AURKB: variants seen among roughly 807,000 people sequenced by gnomAD.
AURKB encodes the protein aurora kinase B.
AURKB carries 28 observed loss-of-function variants against 36.5 expected under a neutral mutation model. That is an observed-to-expected ratio of 0.77 (90% CI 0.57 to 1.05). AURKB has a LOEUF of 1.05. Among genes scored for constraint, AURKB ranks in the 50% least tolerant of loss-of-function variants. The pLI, the probability that AURKB is intolerant of heterozygous loss-of-function variation, is 0.00. For synonymous variants in AURKB, 175 were observed against 172.9 expected (o/e 1.01, Z -0.09); for missense variants, 383 against 447.4 (o/e 0.86, Z 1.30).
At chr17:8,207,137 G>A (rs1985424251) in intron 5 of AURKB, 39 bp downstream of exon 5, 1 of 1,590,236 alleles carries the variant, frequency 6.3e-7, no homozygotes, top group Non-Finnish European at 8.6e-7. Context: ...GGGGGTGAGG[G>A]AGCAGAGGGG....
Position 8,205,398 on chromosome 17 carries a change from G to C in AURKB, c.687-8C>G. On this transcript the variant is annotated splice_polypyrimidine_tract_variant and splice_region_variant and intron_variant, in intron 7 of 8. Transcript: ENST00000585124. ...CCACACATTGTCTTCCTCCTGGGAG[G>C]GATAAGGGGCGTGGGCAGGGGTCCT... 6.2e-7 allele frequency: 1 copy of C among 1,613,646 alleles called. No homozygotes were observed.
Position 8,206,832 on chromosome 17 carries a change from A to C in AURKB, c.455T>G (p.Leu152Trp). Residue 152 changes from leucine (L) to tryptophan (W), a missense_variant, in exon 6 of 9, where the codon TTG becomes TGG. Physicochemically the swap from Leu to Trp is moderately conservative, Grantham distance 61 (BLOSUM62 -2). Coordinates refer to ENST00000585124, the MANE Select transcript of AURKB (RefSeq NM_004217.4). This position sits in a 1 kb window ranked among gnomAD's most constrained non-coding sequence, Gnocchi z 4.2. ...NYFYDRRRIY[L>W]ILEYAPRGEL... ...CCCGCGGGGGGCATACTCTAGAATC[A>C]AGTAGATCCTCCTCCGGTCATAAAA... 1 of 1,614,246 alleles carries C rather than the reference A, an allele frequency of 6.2e-7. No individual in the cohort carries two copies. The highest frequency in any genetic ancestry group is 8.5e-7 in the Non-Finnish European group (1 of 1,180,044).
At position 8,210,158 on chromosome 17, in the gene AURKB, A is replaced by T; in HGVS notation, c.48+19T>A. ...CATGCGGGGTCATGGGGGCGCAGGG[A>T]CGGAGGGAAGGGCCTTACCGTCTGT... On this transcript the variant is annotated intron_variant, in intron 2 of 8. Transcript: ENST00000585124. The T allele has an allele frequency of 6.2e-7, 1 of 1,612,812 alleles. No homozygotes were observed. Among genetic ancestry groups the T allele is most frequent in the Non-Finnish European group, 8.5e-7 (1 of 1,179,670 alleles).
Position 8,205,012 on chromosome 17 carries a change from C to A in AURKB, c.894G>T (p.Met298Ile), listed in dbSNP as rs768656332. The part of the protein sequence containing the change: ...VDLKFPASVP[M>I]GAQDLISKLL... ...GTTTGGAGATGAGGTCCTGGGCTCCCATGGGCACGGAAGCGGGGAACTTTA... is the reference window on the plus strand; with the variant it reads ...GTTTGGAGATGAGGTCCTGGGCTCCAATGGGCACGGAAGCGGGGAACTTTA... The change falls in exon 9 of 9, where the codon ATG becomes ATT. Residue 298 changes from methionine (M) to isoleucine (I), a missense_variant. By Grantham distance (10) the Met-to-Ile change is conservative (BLOSUM62 1). Around this residue, in one of 3 missense-constraint regions of AURKB, gnomAD observed 219 missense variants for 252.6 expected, o/e 0.87. Coordinates refer to ENST00000585124, the MANE Select transcript of AURKB (RefSeq NM_004217.4). 1.9e-6 allele frequency: 3 copies of A among 1,595,508 alleles called. No individual in the cohort carries two copies. The highest frequency in any genetic ancestry group is 2.6e-6 in the Non-Finnish European group (3 of 1,173,482).
At chr17:8,210,464 AC>A in intron 1 of AURKB, 65 bp downstream of exon 1, 1 of 549,636 alleles carries the variant, frequency 1.8e-6, no homozygotes, top group East Asian at 3.3e-5. Context: ...AGCCCAACGG[AC>A]CCTCTGATCT....
At chr17:8,208,859 C>T (rs1985749009) in intron 2 of AURKB, among the ~76,000 whole-genome samples, 1 of 152,256 alleles carries the variant, frequency 6.6e-6, no homozygotes, top group African/African-American at 2.4e-5. Flanking sequence ...CAGAGGTATT[C>T]TCAAAGTCTC....
chr17:8,206,434 GGA>G lies in AURKB; in HGVS notation c.686+55_686+56del, dbSNP rs940584708. Reference sequence around the variant, plus strand: ...GTGTGAGCCACGGTGCACGGCCCCTGGAGAGGTTTTAATGGCCCAGCCTCACA... The same window carrying G: ...GTGTGAGCCACGGTGCACGGCCCCTGGAGGTTTTAATGGCCCAGCCTCACA... On this transcript the variant is annotated intron_variant, in intron 7 of 8. Coordinates refer to ENST00000585124, the MANE Select transcript of AURKB (RefSeq NM_004217.4). This position sits in a 1 kb window ranked among gnomAD's most constrained non-coding sequence, Gnocchi z 4.2. 34 of 1,606,546 alleles carry G rather than the reference GGA, an allele frequency of 2.1e-5. No individual in the cohort carries two copies. In the East Asian group the frequency reaches 7.1e-4, roughly 34 times the overall value.
chr17:8,205,495 G>A (rs1597344746), intron 7 of AURKB, 105 bp from the exon 8 acceptor site: 2 of 1,434,748 alleles, frequency 1.4e-6, no homozygotes, highest in South Asian at 2.6e-5. Flanking sequence ...TGTACCAGGG[G>A]AGAGGTCCAG....
Position 8,206,735 on chromosome 17 carries a change from C to G in AURKB, c.537+15G>C. 2 of 1,612,544 alleles carry G rather than the reference C, an allele frequency of 1.2e-6. No homozygotes were observed. Among genetic ancestry groups the G allele is most frequent in the Non-Finnish European group, 1.7e-6 (2 of 1,178,968 alleles). ...GAGCCCCCTACTGGCGCCCCAGGTG[C>G]CCACCCGCCCGGACCGTGGCTGTTC... On this transcript the variant is annotated intron_variant, in intron 6 of 8. Transcript: ENST00000585124. The surrounding 1 kb of genome is among the most constrained non-coding windows in gnomAD (Gnocchi z 4.2).
In AURKB at chr17:8,206,961, G is replaced by C; in HGVS notation, c.399-73C>G. ...TGGAAAAGATGATAGGAGCAAACTG[G>C]GGTCAGACGTGGCCCAGGCCGGGGA... On this transcript the variant is annotated intron_variant, in intron 5 of 8. Coordinates refer to ENST00000585124, the MANE Select transcript of AURKB (RefSeq NM_004217.4). This position sits in a 1 kb window ranked among gnomAD's most constrained non-coding sequence, Gnocchi z 4.2. 6.2e-7 allele frequency: 1 copy of C among 1,605,190 alleles called. No homozygotes were observed. The highest frequency in any genetic ancestry group is 8.5e-7 in the Non-Finnish European group (1 of 1,176,952).
Position 8,210,516 on chromosome 17 carries a change from G to T in AURKB, c.-26+14C>A. On this transcript the variant is annotated intron_variant, in intron 1 of 8. Transcript: ENST00000585124. ...CACTCCCGGCGCAAGGCCTGCGACA[G>T]GAGGCCAGCTCACCTGGGGTCCAAG... The T allele has an allele frequency of 2.1e-6, 1 of 475,604 alleles. No homozygotes were observed. The highest frequency in any genetic ancestry group is 2.6e-5 in the South Asian group (1 of 37,906). 29.5% of individuals were successfully genotyped at this position (475,604 alleles called of 1,614,324 possible).
chr17:8,205,556 A>G (rs1036787488), intron 7 of AURKB, among the ~76,000 whole-genome samples, 166 bp from the exon 8 acceptor site: 1 of 152,100 alleles, frequency 6.6e-6, no homozygotes, highest in Non-Finnish European at 1.5e-5. Context: ...GATATATCCC[A>G]AAGCCCCAGA....
In AURKB at chr17:8,210,161, G is replaced by T; in HGVS notation, c.48+16C>A. 6.2e-7 allele frequency: 1 copy of T among 1,612,916 alleles called. No individual in the cohort carries two copies. Among genetic ancestry groups the T allele is most frequent in the Non-Finnish European group, 8.5e-7 (1 of 1,179,712 alleles). On this transcript the variant is annotated intron_variant, in intron 2 of 8. Transcript: ENST00000585124. ...GCGGGGTCATGGGGGCGCAGGGACG[G>T]AGGGAAGGGCCTTACCGTCTGTCGG...
At chr17:8,205,490 C>A in intron 7 of AURKB, 100 bp from the exon 8 acceptor site, 2 of 1,465,796 alleles carry the variant, frequency 1.4e-6, no homozygotes, top group South Asian at 2.5e-5. Flanking sequence ...CGGGATGTAC[C>A]AGGGGAGAGG....
Position 8,206,810 on chromosome 17 carries a change from G to A in AURKB, c.477C>T (p.Arg159=), listed in dbSNP as rs779807388. 6.5e-5 allele frequency: 105 copies of A among 1,614,068 alleles called. 1 individual carries two copies. The Admixed American group carries it at 1.4e-3, about 21-fold the overall frequency. The change falls in exon 6 of 9, where the codon CGC becomes CGT. Residue 159 remains arginine (R), a synonymous_variant. Coordinates refer to ENST00000585124, the MANE Select transcript of AURKB (RefSeq NM_004217.4). This position sits in a 1 kb window ranked among gnomAD's most constrained non-coding sequence, Gnocchi z 4.2. Reference sequence around the variant, plus strand: ...TCTGCAGCTCCTTGTAGAGCTCCCCGCGGGGGGCATACTCTAGAATCAAGT... The same window carrying A: ...TCTGCAGCTCCTTGTAGAGCTCCCCACGGGGGGCATACTCTAGAATCAAGT... ...RIYLILEYAP[R]GELYKELQKS...
At position 8,206,376 on chromosome 17, in the gene AURKB, C is replaced by T. The variant is rs2151469336; in HGVS notation, c.686+115G>A. 2 of 1,322,064 alleles carry T rather than the reference C, an allele frequency of 1.5e-6. No individual in the cohort carries two copies. Among genetic ancestry groups the T allele is most frequent in the East Asian group, 4.9e-5 (2 of 41,118 alleles). The allele number at this position is 1,322,064 out of a possible 1,614,324, so 81.9% of individuals were successfully genotyped here. A position where few individuals can be genotyped will look rare whatever the true frequency, so the allele number is the denominator to read the frequency against. Reference sequence around the variant, plus strand: ...GAACTCCTGACCTCAGGTGATCCGCCCTCCTCGGCCTCCCAAAGTGCTGGG... The same window carrying T: ...GAACTCCTGACCTCAGGTGATCCGCTCTCCTCGGCCTCCCAAAGTGCTGGG... On this transcript the variant is annotated intron_variant, in intron 7 of 8. Transcript: ENST00000585124. This position sits in a 1 kb window ranked among gnomAD's most constrained non-coding sequence, Gnocchi z 4.2.
Position 8,210,225 on chromosome 17 carries a change from C to A in AURKB, c.-1G>T, listed in dbSNP as rs749526647. On this transcript the variant is annotated 5_prime_UTR_variant, in exon 2 of 9. Transcript: ENST00000585124. ...GGTAGGAGTTCTCCTTCTGGGCCAT[C>A]CTTAGAGAGAAAGGGGGAGGAGAGC... The A allele has an allele frequency of 3.5e-5, 56 of 1,606,160 alleles. No individual in the cohort carries two copies. Among genetic ancestry groups the A allele is most frequent in the Non-Finnish European group, 4.5e-5 (53 of 1,177,136 alleles).
rs150216235 is a variant in AURKB, at chr17:8,207,267, C to T, written c.307G>A (p.Val103Met). Residue 103 changes from valine to methionine, a missense_variant, in exon 5 of 9, where the codon GTG becomes ATG. Transcript: ENST00000585124. ...GACTTGAAGAGGACCTTGAGCGCCA[C>T]GATGAAATGGCTTTTCTTCTCCCGA... ...LAREKKSHFI[V>M]ALKVLFKSQI... 1.8e-3 allele frequency: 2,895 copies of T among 1,614,124 alleles called. 20 individuals are homozygous for T. Among genetic ancestry groups the T allele is most frequent in the Middle Eastern group, 0.015 (89 of 6,062 alleles).
chr17:8,209,184 T>C (rs113144632), intron 2 of AURKB, among the ~76,000 whole-genome samples: 2,041 of 152,308 alleles, frequency 0.013, 17 homozygotes, highest in Middle Eastern at 0.051. Flanking sequence ...GGCTAATTTT[T>C]GTATTTTTAG....
Sources: allele counts gnomAD v4.1 joint callset (sites outside exome capture counted in the v4.1 genomes callset), GRCh38; gene constraint gnomAD v4.1.1; regional missense constraint gnomAD v4.1.1; non-coding constraint Gnocchi (gnomAD v3.1); transcripts MANE v1.5; gene names NCBI Gene and HGNC (gene_info 2026-07-23, HGNC 2026-07-21).